POFUT3: variants seen among roughly 807,000 people sequenced by gnomAD.
The protein encoded by POFUT3 is protein O-fucosyltransferase 3, also known as GDP-fucose protein O-fucosyltransferase 3.
the POFUT3 span, among the ~76,000 whole-genome samples, chr8:33,469,932 A>AT: frequency 6.8e-6 from 1 of 146,112 alleles, no homozygotes; most frequent in African/African-American, 2.5e-5. Flanking sequence ...AGTAGCTGGG[A>AT]TTACAGGTGT....
the POFUT3 span, among the ~76,000 whole-genome samples, chr8:33,402,506 A>G: frequency 6.6e-6 from 1 of 152,204 alleles, no homozygotes; most frequent in East Asian, 1.9e-4. Context: ...ACTGTCCTCC[A>G]AAGTTAACCA....
chr8:33,455,815 A>G, the POFUT3 span: 2 of 456,088 alleles, frequency 4.4e-6, no homozygotes, highest in Non-Finnish European at 8.8e-6. Flanking sequence ...AAGGCCGCTG[A>G]TCATTGAAGC....
the POFUT3 span, among the ~76,000 whole-genome samples, chr8:33,317,563 C>T: frequency 1.3e-5 from 2 of 152,226 alleles, no homozygotes; most frequent in Non-Finnish European, 2.9e-5. Flanking sequence ...TGGAATTTTG[C>T]CTGTAACATC....
the POFUT3 span, among the ~76,000 whole-genome samples, chr8:33,449,337 TG>T: frequency 1.6e-5 from 2 of 124,212 alleles, no homozygotes; most frequent in African/African-American, 6.2e-5. Flanking sequence ...TCACCCAGGC[TG>T]GAGTGCAATG....
At chr8:33,342,639 A>G in the POFUT3 span, among the ~76,000 whole-genome samples, 1 of 152,226 alleles carries the variant, frequency 6.6e-6, no homozygotes, top group Non-Finnish European at 1.5e-5. Context: ...CAGGATGGCC[A>G]AAACTAAAAC....
chr8:33,416,830 C>CAAAA, the POFUT3 span, among the ~76,000 whole-genome samples: 140 of 39,320 alleles, frequency 3.6e-3, no homozygotes, highest in Non-Finnish European at 5.4e-3. Context: ...TGGGCGACGA[C>CAAAA]AAAAAAAAAA....
chr8:33,330,200 C>G, the POFUT3 span, among the ~76,000 whole-genome samples: 1 of 152,124 alleles, frequency 6.6e-6, no homozygotes, highest in South Asian at 2.1e-4. Flanking sequence ...AATCCCAGCA[C>G]TTTGGGAGGC....
At chr8:33,394,672 T>TAA in the POFUT3 span, among the ~76,000 whole-genome samples, 4 of 139,790 alleles carry the variant, frequency 2.9e-5, no homozygotes, top group Admixed American at 7.2e-5. Flanking sequence ...TCTTAAAAAT[T>TAA]AAAAAAAAAA....
chr8:33,345,826 CTTT>C, the POFUT3 span, among the ~76,000 whole-genome samples: 13 of 137,640 alleles, frequency 9.4e-5, no homozygotes, highest in African/African-American at 8.0e-5. Context: ...GTATTTATTA[CTTT>C]TTTTTTTTTT....
chr8:33,400,136 A>AAG, the POFUT3 span, among the ~76,000 whole-genome samples: 1 of 149,812 alleles, frequency 6.7e-6, no homozygotes, highest in Non-Finnish European at 1.5e-5. Context: ...TCATTAAAAA[A>AAG]AAAAAAAAAA....
the POFUT3 span, chr8:33,452,081 G>A: frequency 1.2e-4 from 16 of 134,296 alleles, no homozygotes; most frequent in East Asian, 3.3e-3. Flanking sequence ...ATGTATATAT[G>A]TGTATGTATA....
At chr8:33,370,164 TTTAC>T in the POFUT3 span, among the ~76,000 whole-genome samples, 9 of 101,742 alleles carry the variant, frequency 8.8e-5, no homozygotes, top group African/African-American at 3.6e-4. Context: ...AAACCCCATC[TTTAC>T]TAAAAAAAAA....
chr8:33,368,462 C>T, the POFUT3 span, among the ~76,000 whole-genome samples: 1 of 152,180 alleles, frequency 6.6e-6, no homozygotes, highest in Non-Finnish European at 1.5e-5. Flanking sequence ...AAGTAAGCTC[C>T]CATGCATTGT....
the POFUT3 span, among the ~76,000 whole-genome samples, chr8:33,472,106 C>T: frequency 2.1e-4 from 32 of 152,152 alleles, no homozygotes; most frequent in Admixed American, 4.6e-4. Context: ...CGTGAGTTTC[C>T]TGGGTGTCTC....
the POFUT3 span, among the ~76,000 whole-genome samples, chr8:33,316,567 A>C: frequency 1.1e-4 from 9 of 83,080 alleles, no homozygotes; most frequent in Non-Finnish European, 1.7e-4. Context: ...CTAAAACTAC[A>C]AAAAAAAAGA....
the POFUT3 span, among the ~76,000 whole-genome samples, chr8:33,353,336 T>C: frequency 2.6e-5 from 4 of 152,116 alleles, no homozygotes; most frequent in African/African-American, 9.7e-5. Context: ...AACAGGCAAA[T>C]GTTGGAAACA....
the POFUT3 span, among the ~76,000 whole-genome samples, chr8:33,454,670 G>C: frequency 1.3e-5 from 2 of 148,354 alleles, no homozygotes; most frequent in Non-Finnish European, 1.5e-5. Flanking sequence ...AAATAGTTTT[G>C]CCTCTTTTTT....
At chr8:33,320,255 G>A in the POFUT3 span, among the ~76,000 whole-genome samples, 1 of 151,816 alleles carries the variant, frequency 6.6e-6, no homozygotes, top group African/African-American at 2.4e-5. Flanking sequence ...AATAAATTAG[G>A]GGGAAGAGTA....
the POFUT3 span, among the ~76,000 whole-genome samples, chr8:33,341,791 G>T: frequency 6.6e-6 from 1 of 152,306 alleles, no homozygotes; most frequent in South Asian, 2.1e-4. Context: ...AGGCTTGGTG[G>T]CTAGTGCCTG....
Sources: gnomAD v4.1 joint callset for allele counts (sites outside exome capture counted in the v4.1 genomes callset) on GRCh38, gnomAD v4.1.1 for gene constraint, MANE v1.5 for transcripts, NCBI Gene and HGNC (gene_info 2026-07-23, HGNC 2026-07-21) for gene names.